ASTN2: variants seen among roughly 807,000 people sequenced by gnomAD.
ASTN2 encodes astrotactin 2.
In ASTN2, 54 loss-of-function variants were observed where a neutral mutation model predicts 139.8. The ratio of observed to expected loss-of-function variants is 0.39; its 90% CI spans 0.31 to 0.48. ASTN2 has a LOEUF of 0.48. ASTN2 is among the 20% of genes least tolerant of loss of function. The probability of loss-of-function intolerance (pLI) is 0.95; values close to 1 mark genes in which losing one functional copy is unlikely to be tolerated. For missense variants in ASTN2, 1,565 were observed against 1,725.1 expected, an observed-to-expected ratio of 0.91 and a Z score of 1.64; for synonymous variants, 756 against 719.5, an observed-to-expected ratio of 1.05 and a Z score of -0.81.
At chr9:116,624,492 T>A (rs1856339480) in intron 17 of ASTN2, among the ~76,000 whole-genome samples, 1 of 152,178 alleles carries the variant, frequency 6.6e-6, no homozygotes, top group African/African-American at 2.4e-5. Context: ...TAGAAGGCTA[T>A]GAGAATACAG....
At chr9:116,997,350 C>A (rs1011925168) in intron 7 of ASTN2, among the ~76,000 whole-genome samples, 3 of 152,094 alleles carry the variant, frequency 2.0e-5, no homozygotes, top group Non-Finnish European at 4.4e-5. Context: ...ACATTTAAAC[C>A]AAATATATCA....
At chr9:116,579,441 T>G (rs1032940883) in intron 19 of ASTN2, among the ~76,000 whole-genome samples, 1 of 152,190 alleles carries the variant, frequency 6.6e-6, no homozygotes, top group African/African-American at 2.4e-5. Context: ...TATCAGGGTA[T>G]AATGTGAGAA....
chr9:116,786,435 T>C (rs1039580679), intron 13 of ASTN2, among the ~76,000 whole-genome samples: 1 of 152,198 alleles, frequency 6.6e-6, no homozygotes, highest in Non-Finnish European at 1.5e-5. Context: ...TGTCATAGAA[T>C]AAGTGCTCAA....
chr9:116,914,047 G>A (rs1372331439), intron 10 of ASTN2, among the ~76,000 whole-genome samples: 1 of 149,098 alleles, frequency 6.7e-6, no homozygotes, highest in Non-Finnish European at 1.5e-5. Context: ...CATATGCAGA[G>A]GTGTGGAGCC....
chr9:116,811,736 T>C (rs894708878), intron 12 of ASTN2, among the ~76,000 whole-genome samples: 5 of 152,348 alleles, frequency 3.3e-5, no homozygotes, highest in Middle Eastern at 3.4e-3. Flanking sequence ...ATCTCTCATA[T>C]AGTATTCAAG....
intron 2 of ASTN2, among the ~76,000 whole-genome samples, chr9:117,260,942 A>G (rs1202286738): frequency 6.6e-6 from 1 of 152,184 alleles, no homozygotes; most frequent in African/African-American, 2.4e-5. Flanking sequence ...AATACTCCAT[A>G]ACTCTTTTGT....
At chr9:116,514,988 GCTGCACCCACTGTC>G (rs1176996406) in intron 19 of ASTN2, among the ~76,000 whole-genome samples, 29 of 152,168 alleles carry the variant, frequency 1.9e-4, no homozygotes, top group African/African-American at 6.3e-4. Context: ...CGCTTGGTGT[GCTGCACCCACTGTC>G]CTGCACCCAC....
At chr9:117,403,695 T>C (rs1830902433) in intron 1 of ASTN2, among the ~76,000 whole-genome samples, 1 of 152,058 alleles carries the variant, frequency 6.6e-6, no homozygotes, top group South Asian at 2.1e-4. Context: ...CTTCCCTGGG[T>C]GCATGAGAGC....
intron 10 of ASTN2, among the ~76,000 whole-genome samples, chr9:116,926,822 C>T (rs1214768232): frequency 6.6e-6 from 1 of 152,142 alleles, no homozygotes; most frequent in Non-Finnish European, 1.5e-5. Flanking sequence ...GACTCCAAAA[C>T]CCAAGTTCTT....
At chr9:116,577,555 A>T (rs1430152614) in intron 19 of ASTN2, among the ~76,000 whole-genome samples, 23 of 152,022 alleles carry the variant, frequency 1.5e-4, no homozygotes, top group Admixed American at 1.5e-3. Flanking sequence ...AAAGAAAAAG[A>T]AAAAAGAATG....
rs189986354 is a variant in ASTN2 at position 116,967,031 on chromosome 9, A to C, written c.1889+8177T>G. On this transcript the variant is annotated intron_variant, in intron 10 of 22. Coordinates refer to ENST00000313400, the MANE Select transcript of ASTN2 (RefSeq NM_001365068.1). ...TGTGACATTGCATGAATGACTTAAC[A>C]TCTTTGTGCCTCAGTTTCCTCATCT... Among the ~76,000 whole-genome samples, 14 of 152,314 alleles carry C rather than the reference A, an allele frequency of 9.2e-5. No homozygotes were observed. The East Asian group carries it at 2.5e-3, about 27-fold the overall frequency.
At chr9:117,283,668 A>G (rs908422120) in intron 2 of ASTN2, among the ~76,000 whole-genome samples, 7 of 152,176 alleles carry the variant, frequency 4.6e-5, no homozygotes, top group Middle Eastern at 3.2e-3. Context: ...TTTTTCCACT[A>G]CTAGATGTTT....
chr9:117,360,122 C>T (rs899186832), intron 1 of ASTN2, among the ~76,000 whole-genome samples: 4 of 152,158 alleles, frequency 2.6e-5, no homozygotes, highest in Non-Finnish European at 5.9e-5. Context: ...TCTTGGATTA[C>T]ACTCTGAGGT....
chr9:116,643,875 T>C (rs1022207970), intron 17 of ASTN2, among the ~76,000 whole-genome samples: 1 of 152,190 alleles, frequency 6.6e-6, no homozygotes, highest in Non-Finnish European at 1.5e-5. Flanking sequence ...CAAAAATAAA[T>C]CATGCATTTG....
Position 116,424,287 on chromosome 9 carries a change from T to C in ASTN2, c.*1564A>G, listed in dbSNP as rs532107465. 1.1e-4 allele frequency among the ~76,000 whole-genome samples: 16 copies of C among 152,272 alleles called. No individual in the cohort carries two copies. Among genetic ancestry groups the C allele is most frequent in the African/African-American group, 3.1e-4 (13 of 41,542 alleles). ...CCCTAAGCTATCATCACCTCCTTCATGGAAAATGACAATGGCACCCCTCTC... is the reference window on the plus strand; with the variant it reads ...CCCTAAGCTATCATCACCTCCTTCACGGAAAATGACAATGGCACCCCTCTC... On this transcript the variant is annotated 3_prime_UTR_variant, in exon 23 of 23. Coordinates refer to ENST00000313400, the MANE Select transcript of ASTN2 (RefSeq NM_001365068.1).
chr9:116,623,045 A>G (rs16933755), intron 17 of ASTN2, among the ~76,000 whole-genome samples: 3,748 of 152,180 alleles, frequency 0.025, 148 homozygotes, highest in African/African-American at 0.086. Context: ...CCAACACTGA[A>G]GGCTTAATTA....
intron 10 of ASTN2, among the ~76,000 whole-genome samples, chr9:116,952,590 C>T (rs1395360052): frequency 6.6e-6 from 1 of 152,190 alleles, no homozygotes; most frequent in African/African-American, 2.4e-5. Flanking sequence ...CTGGCAATGA[C>T]ATGGGCAGCG....
intron 22 of ASTN2, among the ~76,000 whole-genome samples, chr9:116,435,475 C>T (rs1332019585): frequency 6.6e-6 from 1 of 152,196 alleles, no homozygotes; most frequent in African/African-American, 2.4e-5. Flanking sequence ...CTTTGCTAAA[C>T]AACCCAGCCT....
chr9:116,489,269 A>G (rs888855845), intron 19 of ASTN2, among the ~76,000 whole-genome samples: 1 of 152,146 alleles, frequency 6.6e-6, no homozygotes, highest in Non-Finnish European at 1.5e-5. Context: ...GAATATACAG[A>G]TCACTTCCTG....
Sources: gnomAD v4.1 joint callset for allele counts (sites outside exome capture counted in the v4.1 genomes callset) on GRCh38, gnomAD v4.1.1 for gene constraint, MANE v1.5 for transcripts, NCBI Gene and HGNC (gene_info 2026-07-23, HGNC 2026-07-21) for gene names.